TTLL11: variants seen among roughly 807,000 people sequenced by gnomAD.
TTLL11 encodes the protein tubulin polyglutamylase TTLL11.
In TTLL11, 42 loss-of-function variants were observed where a neutral mutation model predicts 51.7. The ratio of observed to expected loss-of-function variants is 0.81; its 90% CI spans 0.64 to 1.05. TTLL11 has a LOEUF of 1.05. Among genes scored for constraint, TTLL11 ranks in the 50% least tolerant of loss-of-function variants. The probability of loss-of-function intolerance (pLI) is 0.00; values close to 1 mark genes in which losing one functional copy is unlikely to be tolerated. For missense variants in TTLL11, 799 were observed against 940.4 expected, an observed-to-expected ratio of 0.85 and a Z score of 1.97; for synonymous variants, 381 against 383.5, an observed-to-expected ratio of 0.99 and a Z score of 0.08.
intron 6 of TTLL11, among the ~76,000 whole-genome samples, chr9:121,970,886 A>C (rs1842527128): frequency 6.6e-6 from 1 of 152,268 alleles, no homozygotes; most frequent in Non-Finnish European, 1.5e-5. Context: ...TCTACTATAA[A>C]GACACATGCA....
At position 121,928,441 on chromosome 9, in the gene TTLL11, A is replaced by ATT. The variant is rs35562644; in HGVS notation, c.1481+45566_1481+45567dup. 4.1e-3 allele frequency among the ~76,000 whole-genome samples: 535 copies of ATT among 131,824 alleles called. 3 individuals are homozygous for ATT. The highest frequency in any genetic ancestry group is 0.013 in the African/African-American group (470 of 35,424). The allele number at this position is 131,824 out of a possible 152,430, so 86.5% of individuals were successfully genotyped here. A position where few individuals can be genotyped will look rare whatever the true frequency, so the allele number is the denominator to read the frequency against. On this transcript the variant is annotated intron_variant, in intron 6 of 8. Transcript: ENST00000321582. ...CTTTGAGTTATTTTGTTTGTTTTGG[A>ATT]TTTTTTTTTTTTTTTTTTGAGATAG...
At chr9:121,982,998 G>A (rs895539280) in intron 4 of TTLL11, among the ~76,000 whole-genome samples, 1 of 152,166 alleles carries the variant, frequency 6.6e-6, no homozygotes, top group Non-Finnish European at 1.5e-5. Flanking sequence ...CATCTCCTTG[G>A]CTACAGTGAG....
At chr9:122,047,962 C>A (rs1044482766) in intron 1 of TTLL11, among the ~76,000 whole-genome samples, 9 of 152,104 alleles carry the variant, frequency 5.9e-5, no homozygotes, top group African/African-American at 1.7e-4. Context: ...TCTCCCTCCT[C>A]AACATCCACT....
At chr9:122,030,353 A>G (rs1252161819) in intron 3 of TTLL11, among the ~76,000 whole-genome samples, 1 of 152,200 alleles carries the variant, frequency 6.6e-6, no homozygotes, top group Non-Finnish European at 1.5e-5. Context: ...TGTGACCACC[A>G]TCTCAGAGAA....
intron 3 of TTLL11, among the ~76,000 whole-genome samples, chr9:122,004,934 G>A (rs1007601018): frequency 9.9e-5 from 15 of 152,190 alleles, no homozygotes; most frequent in Non-Finnish European, 2.1e-4. Flanking sequence ...TACAATGCCA[G>A]AGACTGAAGA....
At chr9:121,939,012 G>A (rs1841343722) in intron 6 of TTLL11, among the ~76,000 whole-genome samples, 1 of 152,202 alleles carries the variant, frequency 6.6e-6, no homozygotes, top group Non-Finnish European at 1.5e-5. Context: ...TAAAATAGAA[G>A]ATGCCTATTT....
At chr9:121,957,896 G>A (rs1564326173) in intron 6 of TTLL11, among the ~76,000 whole-genome samples, 1 of 152,206 alleles carries the variant, frequency 6.6e-6, no homozygotes, top group Non-Finnish European at 1.5e-5. Context: ...GTCAGGATTG[G>A]GAAGAGAAGG....
intron 4 of TTLL11, among the ~76,000 whole-genome samples, chr9:121,982,679 G>A (rs1842851462): frequency 7.1e-6 from 1 of 140,124 alleles, no homozygotes; most frequent in Admixed American, 7.8e-5. Flanking sequence ...GAGTGCCATT[G>A]CACTCCAGCC....
intron 8 of TTLL11, among the ~76,000 whole-genome samples, chr9:121,844,831 G>GAA (rs57707855): frequency 0.13 from 19,608 of 151,020 alleles, 2,479 homozygotes; most frequent in African/African-American, 0.33. Flanking sequence ...ATGAATTAAA[G>GAA]AAAAAAAATA....
intron 6 of TTLL11, among the ~76,000 whole-genome samples, chr9:121,950,759 T>A (rs984214151): frequency 1.3e-5 from 2 of 152,126 alleles, no homozygotes; most frequent in African/African-American, 4.8e-5. Flanking sequence ...TGACCAAGCC[T>A]CCCTCCAGGC....
At chr9:122,033,271 C>G (rs1844606370) in intron 2 of TTLL11, among the ~76,000 whole-genome samples, 1 of 152,174 alleles carries the variant, frequency 6.6e-6, no homozygotes, top group African/African-American at 2.4e-5. Context: ...CACCACCATG[C>G]CCAGCAAATT....
intron 2 of TTLL11, among the ~76,000 whole-genome samples, chr9:122,033,401 C>T (rs748420425): frequency 3.3e-5 from 5 of 152,182 alleles, no homozygotes; most frequent in African/African-American, 7.2e-5. Flanking sequence ...ACGTGGCCAC[C>T]GCACCCGGCT....
Position 121,825,492 on chromosome 9 carries a change from C to T in TTLL11, c.1841-2613G>A, listed in dbSNP as rs181319730. Among the ~76,000 whole-genome samples, 474 of 152,324 alleles carry T rather than the reference C, an allele frequency of 3.1e-3. 1 individual carries two copies. The highest frequency in any genetic ancestry group is 7.6e-3 in the Admixed American group (117 of 15,300). The stretch of plus-strand genomic sequence containing the variant: ...GTTGACAGTATTTAGTATAATAGCA[C>T]GTCTTCCTCTATAAAGGAAGCAGCG... On this transcript the variant is annotated intron_variant, in intron 8 of 8. Transcript: ENST00000321582.
chr9:121,844,167 C>T (rs541341581), intron 8 of TTLL11, among the ~76,000 whole-genome samples: 16 of 152,226 alleles, frequency 1.1e-4, no homozygotes, highest in Admixed American at 2.6e-4. Context: ...TGTTTCTCTA[C>T]CCAGCACCTT....
At chr9:121,984,339 T>G (rs1283743216) in intron 4 of TTLL11, among the ~76,000 whole-genome samples, 2 of 152,214 alleles carry the variant, frequency 1.3e-5, no homozygotes, top group African/African-American at 4.8e-5. Context: ...TAACAAACAA[T>G]GGAATAAACA....
chr9:122,085,987 T>A (rs927546454), intron 1 of TTLL11, among the ~76,000 whole-genome samples: 4 of 152,238 alleles, frequency 2.6e-5, no homozygotes, highest in Non-Finnish European at 5.9e-5. Context: ...ACTTTTACAA[T>A]ACGTTCAAGA....
chr9:121,869,979 T>C (rs1838301588), intron 7 of TTLL11, among the ~76,000 whole-genome samples: 1 of 152,218 alleles, frequency 6.6e-6, no homozygotes, highest in African/African-American at 2.4e-5. Flanking sequence ...ATCTTGAAAA[T>C]TCATGCAAAT....
intron 6 of TTLL11, among the ~76,000 whole-genome samples, 197 bp from the exon 7 acceptor site, chr9:121,870,945 G>A (rs977198328): frequency 2.6e-5 from 4 of 152,158 alleles, no homozygotes; most frequent in Non-Finnish European, 4.4e-5. Flanking sequence ...CCAAGGCAGA[G>A]CCACGGCTAG....
At chr9:122,081,616 T>A (rs1185973702) in intron 1 of TTLL11, among the ~76,000 whole-genome samples, 1 of 152,224 alleles carries the variant, frequency 6.6e-6, no homozygotes, top group African/African-American at 2.4e-5. Flanking sequence ...CTCCACACAA[T>A]CTCTTAATTC....
Sources: allele counts gnomAD v4.1 joint callset (sites outside exome capture counted in the v4.1 genomes callset), GRCh38; gene constraint gnomAD v4.1.1; transcripts MANE v1.5; gene names NCBI Gene and HGNC (gene_info 2026-07-23, HGNC 2026-07-21).